Variants in ORMDL1 observed in about 807,000 individuals in gnomAD.
ORMDL1 encodes ORM1-like protein 1.
In ORMDL1, 10 loss-of-function variants were observed where a neutral mutation model predicts 13.0. That is an observed-to-expected ratio of 0.77 (90% CI 0.47 to 1.30). The LOEUF is 1.30. Among genes scored for constraint, ORMDL1 ranks in the 50% most tolerant of loss-of-function variants. ORMDL1 has a pLI of 0.00. For synonymous variants in ORMDL1, 61 were observed against 63.9 expected (o/e 0.95, Z 0.22); for missense variants, 171 against 186.7 (o/e 0.92, Z 0.49).
chr2:189,777,674 G>A (rs1371530576), intron 3 of ORMDL1, among the ~76,000 whole-genome samples: 4 of 152,132 alleles, frequency 2.6e-5, no homozygotes, highest in Non-Finnish European at 5.9e-5. Flanking sequence ...TGTAGCTCAT[G>A]CTTAGTCCTT....
At chr2:189,782,398 T>C (rs1351652859) in intron 3 of ORMDL1, 24 bp downstream of exon 3, 1 of 1,590,632 alleles carries the variant, frequency 6.3e-7, no homozygotes, top group Non-Finnish European at 8.6e-7. Flanking sequence ...CTTTTAAGTG[T>C]TTAGTATAAT....
In ORMDL1 at chr2:189,771,900, T is replaced by C. The variant is rs1327049287; in HGVS notation, c.329A>G (p.Tyr110Cys). Residue 110 changes from tyrosine to cysteine, a missense_variant and splice_region_variant, in exon 5 of 5, where the codon TAT becomes TGT. By Grantham distance (194) the Tyr-to-Cys change is radical. Transcript: ENST00000392349. The part of the protein sequence containing the change: ...KFFTISPIIL[Y>C]FLASFYTKYD... ...CTTCGTATAGAAACTTGCCAGAAAA[T>C]ATCTGTAGAGATAAAAGTTAAGAAT... is the stretch of plus-strand genomic sequence containing the variant. The C allele has an allele frequency of 1.3e-6, 2 of 1,578,818 alleles. No homozygotes were observed. The highest frequency in any genetic ancestry group is 1.7e-6 in the Non-Finnish European group (2 of 1,159,626).
At chr2:189,782,677 T>C (rs1280206865) in intron 2 of ORMDL1, 75 bp from the exon 3 acceptor site, 1 of 1,369,358 alleles carries the variant, frequency 7.3e-7, no homozygotes, top group Non-Finnish European at 1.0e-6. Flanking sequence ...CATGACAAGG[T>C]ACCTGTGTTG....
chr2:189,777,974 C>T (rs996311756), intron 3 of ORMDL1, among the ~76,000 whole-genome samples: 14 of 152,264 alleles, frequency 9.2e-5, no homozygotes, highest in Middle Eastern at 6.8e-3. Flanking sequence ...ATTGCAACTC[C>T]GATGGCTAAT....
chr2:189,783,551 T>C (rs926782934), intron 1 of ORMDL1: 2 of 152,148 alleles, frequency 1.3e-5, no homozygotes, highest in African/African-American at 4.8e-5. Context: ...AGTATAATGC[T>C]CCTTCCGCTC....
chr2:189,768,218 T>A (rs1574958168), downstream of ORMDL1, among the ~76,000 whole-genome samples: 1 of 152,212 alleles, frequency 6.6e-6, no homozygotes, highest in East Asian at 1.9e-4. Flanking sequence ...CAAACCTCCT[T>A]TTAGGGTATT....
At chr2:189,779,069 T>C (rs1215482137) in intron 3 of ORMDL1, among the ~76,000 whole-genome samples, 1 of 151,956 alleles carries the variant, frequency 6.6e-6, no homozygotes, top group East Asian at 1.9e-4. Flanking sequence ...TCCTAGCTAC[T>C]TGGAAGGCTG....
intron 3 of ORMDL1, among the ~76,000 whole-genome samples, chr2:189,776,305 A>G (rs147496078): frequency 1.8e-3 from 280 of 152,288 alleles, no homozygotes; most frequent in African/African-American, 6.3e-3. Context: ...ATTGTGCCTC[A>G]ATAGCATTTC....
At chr2:189,772,229 A>G (rs1441691599) in intron 4 of ORMDL1, among the ~76,000 whole-genome samples, 2 of 152,116 alleles carry the variant, frequency 1.3e-5, no homozygotes, top group African/African-American at 4.8e-5. Flanking sequence ...CTGTATTTCC[A>G]TGTATGTTTC....
the ORMDL1 span, chr2:189,764,711 G>C: frequency 2.0e-5 from 3 of 152,224 alleles, no homozygotes; most frequent in African/African-American, 4.8e-5. Context: ...AACATAAATC[G>C]AGAGTTCCAG....
chr2:189,773,961 A>G (rs555106185), intron 4 of ORMDL1: 3 of 152,278 alleles, frequency 2.0e-5, no homozygotes, highest in Admixed American at 6.5e-5. Context: ...TTTGTGTGAT[A>G]GCTGTGATTA....
chr2:189,776,716 G>C (rs2047705293), intron 3 of ORMDL1, among the ~76,000 whole-genome samples: 1 of 152,102 alleles, frequency 6.6e-6, no homozygotes, highest in South Asian at 2.1e-4. Flanking sequence ...AGGCAATTCA[G>C]AAGTCGTTTA....
Position 189,782,434 on chromosome 2 carries a change from A to G in ORMDL1, c.162T>C (p.Ile54=), listed in dbSNP as rs1344741223. The change falls in exon 3 of 5, where the codon ATT becomes ATC. Residue 54 remains isoleucine (I), a synonymous_variant. Transcript: ENST00000392349. ...SVPVAWTLTN[I]IHNLGMYVFL... is the part of the protein sequence containing the mutation. ...GTGAAATTCTTACCAGATTATGTAT[A>G]ATATTTGTTAAAGTCCAAGCAACAG... is the stretch of plus-strand genomic sequence containing the variant. 1 of 1,613,092 alleles carries G rather than the reference A, an allele frequency of 6.2e-7. No homozygotes were observed. The highest frequency in any genetic ancestry group is 1.7e-5 in the Admixed American group (1 of 59,938).
At chr2:189,782,637 C>T in intron 2 of ORMDL1, 35 bp from the exon 3 acceptor site, 1 of 1,579,450 alleles carries the variant, frequency 6.3e-7, no homozygotes, top group Non-Finnish European at 8.7e-7. Flanking sequence ...AACACTGATA[C>T]AACTGGCAAC....
chr2:189,775,424 C>G, intron 4 of ORMDL1, 141 bp downstream of exon 4: 1 of 886,258 alleles, frequency 1.1e-6, no homozygotes, highest in South Asian at 2.1e-5. Flanking sequence ...AAAATTTTGT[C>G]TATATTTTAT....
chr2:189,764,231 T>G, the ORMDL1 span: 1 of 152,122 alleles, frequency 6.6e-6, no homozygotes, highest in African/African-American at 2.4e-5. Context: ...GTTAGAGAGG[T>G]CAGAGCTTAT....
chr2:189,767,447 CA>C, downstream of ORMDL1, among the ~76,000 whole-genome samples: 1 of 152,090 alleles, frequency 6.6e-6, no homozygotes, highest in South Asian at 2.1e-4. Flanking sequence ...GTAAAATGGT[CA>C]ACATAAATGC....
At chr2:189,767,613 T>C (rs2047503857), downstream of ORMDL1, among the ~76,000 whole-genome samples, 1 of 152,242 alleles carries the variant, frequency 6.6e-6, no homozygotes, top group Non-Finnish European at 1.5e-5. Flanking sequence ...GGCTTATTTC[T>C]TTACTAAAGT....
At chr2:189,775,040 C>A (rs1337624116) in intron 4 of ORMDL1, 2 of 152,142 alleles carry the variant, frequency 1.3e-5, no homozygotes, top group Non-Finnish European at 2.9e-5. Context: ...GTATCACTAG[C>A]TAGAATTTTA....
Sources: allele counts gnomAD v4.1 joint callset (sites outside exome capture counted in the v4.1 genomes callset), GRCh38; gene constraint gnomAD v4.1.1; transcripts MANE v1.5; gene names NCBI Gene and HGNC (gene_info 2026-07-23, HGNC 2026-07-21).